Variants in DST observed in about 807,000 individuals in gnomAD.
DST encodes the protein dystonin.
In DST, 253 loss-of-function variants were observed where a neutral mutation model predicts 875.2. The ratio of observed to expected loss-of-function variants is 0.29; its 90% CI spans 0.26 to 0.32. The LOEUF is 0.32. DST is among the 10% of genes least tolerant of loss of function. The pLI is 1.00. For missense variants in DST, 8,287 were observed against 9,111.6 expected (o/e 0.91, Z 3.68); for synonymous variants, 3,124 against 3,197.1 (o/e 0.98, Z 0.77).
Position 56,459,106 on chromosome 6 carries a change from G to A in DST, c.23356C>T (p.Pro7786Ser). The change falls in exon 104 of 104, where the codon CCC becomes TCC. Residue 7786 changes from proline to serine, a missense_variant. By Grantham distance (74) the Pro-to-Ser change is moderately conservative. Coordinates refer to ENST00000680361, the MANE Select transcript of DST (RefSeq NM_001374736.1). ...GTGGATGGCCGAGAACCTGCTCGGG[G>A]TGTAGGTCTGTGTGTCTGGGGGACA... ...ETVPQTHRPT[P>S]RAGSRPSTAK... 6.2e-7 allele frequency: 1 copy of A among 1,613,978 alleles called. No homozygotes were observed. Among genetic ancestry groups the A allele is most frequent in the Non-Finnish European group, 8.5e-7 (1 of 1,179,880 alleles).
rs1177779460 is a variant in DST, at chr6:56,463,765, C to G, written c.22760-1G>C. On this transcript the variant is annotated splice_acceptor_variant, in intron 100 of 103. Coordinates refer to ENST00000680361, the MANE Select transcript of DST (RefSeq NM_001374736.1). LOFTEE classifies it high-confidence loss of function. ...AGTTCCATGTTTGTCCTTCCTTTGG[C>G]TGGGTTATACACACACAACAATGCA... 1 of 1,613,936 alleles carries G rather than the reference C, an allele frequency of 6.2e-7. No homozygotes were observed. Among genetic ancestry groups the G allele is most frequent in the Non-Finnish European group, 8.5e-7 (1 of 1,179,858 alleles).
Position 56,732,920 on chromosome 6 carries a change from G to A in DST, c.687+2308C>T, listed in dbSNP as rs548936802. ...AAGTGCAGCTCTACCAGTAGCAGCT[G>A]TGGCAAGTTTCCCCTACTTTTAAAC... On this transcript the variant is annotated intron_variant, in intron 5 of 103. Coordinates refer to ENST00000680361, the MANE Select transcript of DST (RefSeq NM_001374736.1). Among the ~76,000 whole-genome samples the A allele has an allele frequency of 5.9e-5, 9 of 152,294 alleles. No individual in the cohort carries two copies. In the South Asian group the frequency reaches 1.7e-3, roughly 28 times the overall value.
intron 10 of DST, among the ~76,000 whole-genome samples, chr6:56,651,916 A>G (rs2098978038): frequency 6.6e-6 from 1 of 152,264 alleles, no homozygotes; most frequent in Non-Finnish European, 1.5e-5. Context: ...GATAGCAAGT[A>G]CTATGTATTA....
At chr6:56,548,582 G>A (rs991195753) in intron 61 of DST, among the ~76,000 whole-genome samples, 8 of 152,142 alleles carry the variant, frequency 5.3e-5, no homozygotes, top group Non-Finnish European at 1.0e-4. Flanking sequence ...TCTTGAGCTA[G>A]GAGTCTTCAG....
At chr6:56,744,599 T>C (rs142844074) in intron 4 of DST, among the ~76,000 whole-genome samples, 2 of 152,250 alleles carry the variant, frequency 1.3e-5, no homozygotes, top group East Asian at 3.9e-4. Context: ...CTGAAAAAGA[T>C]GGACAATGGA....
At chr6:56,681,749 G>A (rs1375019069) in intron 9 of DST, among the ~76,000 whole-genome samples, 5 of 152,170 alleles carry the variant, frequency 3.3e-5, no homozygotes, top group African/African-American at 1.2e-4. Flanking sequence ...AATATCCAAT[G>A]GACAAATGAC....
intron 75 of DST, among the ~76,000 whole-genome samples, chr6:56,507,661 C>A (rs966048498): frequency 6.6e-6 from 1 of 152,150 alleles, no homozygotes; most frequent in Non-Finnish European, 1.5e-5. Flanking sequence ...CTAGAAAGAG[C>A]AAAACAGTTT....
intron 1 of DST, 112 bp downstream of exon 1, chr6:56,954,295 G>T: frequency 1.4e-6 from 1 of 738,454 alleles, no homozygotes. Flanking sequence ...TGGGGAGTGG[G>T]CAATGATGGG....
intron 3 of DST, among the ~76,000 whole-genome samples, chr6:56,891,320 T>C (rs997892106): frequency 6.6e-6 from 1 of 152,038 alleles, no homozygotes; most frequent in Non-Finnish European, 1.5e-5. Context: ...CCCAGCACTT[T>C]GGGAGGCCGA....
intron 34 of DST, 140 bp downstream of exon 34, chr6:56,627,064 G>T (rs1452489238): frequency 2.8e-6 from 2 of 707,292 alleles, no homozygotes; most frequent in Non-Finnish European, 5.0e-6. Context: ...ATTTCACAAA[G>T]AATTATTAGA....
Position 56,606,359 on chromosome 6 carries a change from A to T in DST, c.8269T>A (p.Leu2757Ile), listed in dbSNP as rs2098498022. 1 of 1,613,122 alleles carries T rather than the reference A, an allele frequency of 6.2e-7. No individual in the cohort carries two copies. Among genetic ancestry groups the T allele is most frequent in the Admixed American group, 1.7e-5 (1 of 59,830 alleles). Residue 2757 changes from leucine to isoleucine, a missense_variant, in exon 40 of 104, where the codon TTA becomes ATA. Leu to Ile is a conservative substitution (Grantham distance 5). This residue lies in a region of DST where 3,138 missense variants were observed against 3,116.6 expected (regional missense o/e 1.01). Transcript: ENST00000680361. ...VGGKESFTASLKFDDSGSWRG... is the reference protein window; with the variant it reads ...VGGKESFTASIKFDDSGSWRG... ...CAACTGCCACTGTCATCAAATTTTA[A>T]TGATGCAGTGAAGCTCTCTTTTCCT...
At chr6:56,623,270 C>CT (rs2098706580) in intron 36 of DST, among the ~76,000 whole-genome samples, 1 of 152,034 alleles carries the variant, frequency 6.6e-6, no homozygotes, top group South Asian at 2.1e-4. Context: ...CAGATACATA[C>CT]TATGAGAAAA....
intron 14 of DST, 30 bp downstream of exon 14, chr6:56,646,057 C>G (rs1282380003): frequency 6.4e-7 from 1 of 1,573,384 alleles, no homozygotes; most frequent in Non-Finnish European, 8.6e-7. Flanking sequence ...AAAGACTATG[C>G]TTGACAATAC....
At chr6:56,741,725 T>G (rs2099547443) in intron 4 of DST, among the ~76,000 whole-genome samples, 1 of 152,212 alleles carries the variant, frequency 6.6e-6, no homozygotes, top group African/African-American at 2.4e-5. Context: ...GTTAGAGATG[T>G]CTAACACTGA....
At position 56,560,337 on chromosome 6, in the gene DST, A is replaced by C. The variant is rs1173716070; in HGVS notation, c.14397T>G (p.Asp4799Glu). 6.2e-7 allele frequency: 1 copy of C among 1,611,098 alleles called. No individual in the cohort carries two copies. Among genetic ancestry groups the C allele is most frequent in the Non-Finnish European group, 8.5e-7 (1 of 1,178,546 alleles). The change falls in exon 58 of 104, where the codon GAT (aspartate) becomes GAG (glutamate). Residue 4799 changes from aspartate (D) to glutamate (E), a missense_variant. By Grantham distance (45) the Asp-to-Glu change is conservative. This residue lies in a region of DST where 1,513 missense variants were observed against 1,677.8 expected (regional missense o/e 0.90). Coordinates refer to ENST00000680361, the MANE Select transcript of DST (RefSeq NM_001374736.1). ...KLTELLEENP[D>E]TPEAPRWKQM... ...GTTTCCATCTGGGGGCCTCAGGAGT[A>C]TCTGGGTTCTCCTCCAACAGCTCTG...
chr6:56,532,962 A>G (rs1279318918), intron 63 of DST, among the ~76,000 whole-genome samples: 1 of 152,212 alleles, frequency 6.6e-6, no homozygotes, highest in Non-Finnish European at 1.5e-5. Context: ...TAAACAATCC[A>G]TTATAGACAA....
chr6:56,631,510 C>A, intron 29 of DST, 121 bp from the exon 30 acceptor site: 1 of 812,786 alleles, frequency 1.2e-6, no homozygotes. Context: ...TCTACATATT[C>A]TTTGTTTGTT....
At chr6:56,849,408 T>C (rs1763852425) in intron 4 of DST, among the ~76,000 whole-genome samples, 1 of 152,182 alleles carries the variant, frequency 6.6e-6, no homozygotes, top group Non-Finnish European at 1.5e-5. Context: ...GTGCTGGGAT[T>C]ACAGGCATGA....
At chr6:56,630,455 C>T in intron 30 of DST, 72 bp from the exon 31 acceptor site, 1 of 1,269,398 alleles carries the variant, frequency 7.9e-7, no homozygotes, top group Non-Finnish European at 1.1e-6. Context: ...TCCTGAAGCA[C>T]CATTATGACA....
Sources: allele counts gnomAD v4.1 joint callset (sites outside exome capture counted in the v4.1 genomes callset), GRCh38; gene constraint gnomAD v4.1.1; regional missense constraint gnomAD v4.1.1; transcripts MANE v1.5; gene names NCBI Gene and HGNC (gene_info 2026-07-23, HGNC 2026-07-21).